The following AFDN variants were observed in gnomAD, a reference collection of about 807,000 sequenced individuals.
AFDN encodes afadin, adherens junction formation factor, also known as afadin.
AFDN carries 68 observed loss-of-function variants against 216.6 expected under a neutral mutation model. That is an observed-to-expected ratio of 0.31 (90% CI 0.26 to 0.38). AFDN has a LOEUF of 0.38. Ranked by LOEUF, AFDN falls within the 10% of genes least tolerant of loss-of-function variation. The pLI is 1.00. For synonymous variants in AFDN, 868 were observed against 853.7 expected (o/e 1.02, Z -0.29); for missense variants, 2,136 against 2,342.0 (o/e 0.91, Z 1.82).
intron 2 of AFDN, among the ~76,000 whole-genome samples, chr6:167,869,051 T>C (rs3819770): frequency 0.54 from 81,757 of 151,602 alleles, 22,871 homozygotes; most frequent in African/African-American, 0.63. Flanking sequence ...GCTGGTATTA[T>C]AGGTGTGAGT....
chr6:167,950,622 G>A (rs1038433330), intron 29 of AFDN, among the ~76,000 whole-genome samples: 6 of 152,146 alleles, frequency 3.9e-5, no homozygotes, highest in African/African-American at 9.7e-5. Flanking sequence ...AGAAAGTCAC[G>A]GATGGTTACA....
chr6:167,943,089 A>G lies in AFDN; in HGVS notation c.3100-40A>G, dbSNP rs375275765. On this transcript the variant is annotated intron_variant, in intron 23 of 33. Transcript: ENST00000683244. ...TCCTGCATAGTGCATTTCTTACAAT[A>G]TATCTTCAATGCAGTGTTTTCGCCT... The G allele has an allele frequency of 1.7e-5, 27 of 1,553,118 alleles. No individual in the cohort carries two copies. The South Asian group carries it at 2.3e-4, about 13-fold the overall frequency.
At chr6:167,888,977 A>G (rs749121896) in intron 6 of AFDN, among the ~76,000 whole-genome samples, 13 of 151,900 alleles carry the variant, frequency 8.6e-5, no homozygotes, top group East Asian at 1.9e-4. Context: ...TATTTAGTCT[A>G]CCTCTTTTTA....
chr6:167,949,823 ATAGTATACAGCTGC>A (rs1795754411), intron 29 of AFDN, among the ~76,000 whole-genome samples: 1 of 148,076 alleles, frequency 6.8e-6, no homozygotes, highest in African/African-American at 2.5e-5. Flanking sequence ...CTTCACATTT[ATAGTATACAGCTGC>A]TACTTGTTTC....
intron 5 of AFDN, among the ~76,000 whole-genome samples, chr6:167,879,055 C>G (rs1462567134): frequency 6.6e-6 from 1 of 152,174 alleles, no homozygotes; most frequent in Non-Finnish European, 1.5e-5. Context: ...CCTCTGCATC[C>G]TACTTCCCAA....
chr6:167,871,012 T>G (rs1194903101), intron 3 of AFDN, among the ~76,000 whole-genome samples: 1 of 152,212 alleles, frequency 6.6e-6, no homozygotes, highest in African/African-American at 2.4e-5. Flanking sequence ...TATTTTGTGC[T>G]AAATCAAGTG....
In AFDN at chr6:167,938,071, TCAAAGAGAA is replaced by T. The variant is rs1469445201; in HGVS notation, c.3100-5048_3100-5040del. 3.3e-5 allele frequency among the ~76,000 whole-genome samples: 5 copies of T among 152,216 alleles called. No individual in the cohort carries two copies. The South Asian group carries it at 1.0e-3, about 32-fold the overall frequency. Reference sequence around the variant, plus strand: ...AATGCAGGACACAGTGACTCACTGCTCAAAGAGAACAAAGAGAATCCAATGTGATGAGAA... The same window carrying T: ...AATGCAGGACACAGTGACTCACTGCTCAAAGAGAATCCAATGTGATGAGAA... On this transcript the variant is annotated intron_variant, in intron 23 of 33. Coordinates refer to ENST00000683244, the MANE Select transcript of AFDN (RefSeq NM_001386888.1).
chr6:167,894,028 T>C, intron 9 of AFDN, 122 bp downstream of exon 9: 1 of 717,086 alleles, frequency 1.4e-6, no homozygotes, highest in South Asian at 1.7e-5. Flanking sequence ...ATAACCTATT[T>C]TAAGAAATTT....
intron 23 of AFDN, among the ~76,000 whole-genome samples, chr6:167,942,893 G>A (rs1290582534): frequency 6.6e-6 from 1 of 152,164 alleles, no homozygotes; most frequent in Non-Finnish European, 1.5e-5. Context: ...TGGCTGTTCA[G>A]AACTATTCTT....
intron 30 of AFDN, among the ~76,000 whole-genome samples, chr6:167,957,753 A>G (rs1032013803): frequency 6.6e-6 from 1 of 150,816 alleles, no homozygotes; most frequent in African/African-American, 2.4e-5. Context: ...GGTGGCCGTG[A>G]CTGTGGCTGC....
At chr6:167,913,918 T>C in intron 16 of AFDN, 1 of 504,754 alleles carries the variant, frequency 2.0e-6, no homozygotes, top group Non-Finnish European at 3.5e-6. Flanking sequence ...TGATTCCATC[T>C]ATAAATTGTA....
At chr6:167,966,219 C>A (rs1797546501) in intron 32 of AFDN, 174 bp downstream of exon 32, 2 of 1,532,680 alleles carry the variant, frequency 1.3e-6, no homozygotes, top group African/African-American at 1.4e-5. Flanking sequence ...AAAAGGCCAG[C>A]CCCTGCCCCC....
chr6:167,854,733 T>G (rs544012117), intron 1 of AFDN, among the ~76,000 whole-genome samples: 66 of 151,360 alleles, frequency 4.4e-4, no homozygotes, highest in Non-Finnish European at 7.7e-4. Context: ...TTTCTTTCAT[T>G]TATGTCAAGG....
At chr6:167,932,910 A>G (rs1413059734) in intron 23 of AFDN, 1 of 152,000 alleles carries the variant, frequency 6.6e-6, no homozygotes, top group Non-Finnish European at 1.5e-5. Flanking sequence ...GTAATTACAC[A>G]CTCTTTTTTT....
intron 1 of AFDN, among the ~76,000 whole-genome samples, chr6:167,858,978 G>A (rs1243797393): frequency 6.6e-6 from 1 of 152,010 alleles, no homozygotes; most frequent in Non-Finnish European, 1.5e-5. Flanking sequence ...ATAGGAATGA[G>A]GAGTGGGAGG....
At chr6:167,961,339 A>G (rs923743888) in intron 30 of AFDN, among the ~76,000 whole-genome samples, 3 of 152,250 alleles carry the variant, frequency 2.0e-5, no homozygotes, top group Admixed American at 2.0e-4. Flanking sequence ...TAAGAAGTAA[A>G]TGGAGAACAC....
chr6:167,841,948 T>C (rs1211966444), intron 1 of AFDN, among the ~76,000 whole-genome samples: 2 of 152,016 alleles, frequency 1.3e-5, no homozygotes, highest in Non-Finnish European at 2.9e-5. Flanking sequence ...CATTCACTCA[T>C]CTTTGGGCTT....
rs1455784406 is a variant in AFDN, at chr6:167,890,981, T to G, written c.1129T>G (p.Ser377Ala). 24 of 1,614,020 alleles carry G rather than the reference T, an allele frequency of 1.5e-5. No homozygotes were observed. The highest frequency in any genetic ancestry group is 1.9e-5 in the Non-Finnish European group (23 of 1,179,922). Residue 377 changes from serine to alanine, a missense_variant, in exon 8 of 34, where the codon TCC becomes GCC. This residue lies in a region of AFDN where 817 missense variants were observed against 965.7 expected (regional missense o/e 0.85). Coordinates refer to ENST00000683244, the MANE Select transcript of AFDN (RefSeq NM_001386888.1). ...GAGAGCTGACGGGTCTGGCTATGGCTCCACCCTTCCTCCGGAGAAGCTGCC... is the reference window on the plus strand; with the variant it reads ...GAGAGCTGACGGGTCTGGCTATGGCGCCACCCTTCCTCCGGAGAAGCTGCC... ...KERADGSGYGSTLPPEKLPYL... is the reference protein window; with the variant it reads ...KERADGSGYGATLPPEKLPYL...
At chr6:167,955,359 C>T (rs936723465) in intron 30 of AFDN, among the ~76,000 whole-genome samples, 1 of 152,166 alleles carries the variant, frequency 6.6e-6, no homozygotes, top group South Asian at 2.1e-4. Flanking sequence ...TTACAAACAC[C>T]TTCCCTCCTT....
Sources: gnomAD v4.1 joint callset for allele counts (sites outside exome capture counted in the v4.1 genomes callset) on GRCh38, gnomAD v4.1.1 for gene constraint, gnomAD v4.1.1 regional missense constraint, MANE v1.5 for transcripts, NCBI Gene and HGNC (gene_info 2026-07-23, HGNC 2026-07-21) for gene names.